Variants in NRXN2 observed in about 807,000 individuals in gnomAD.
The protein encoded by NRXN2 is neurexin-2-beta.
NRXN2 carries 29 observed loss-of-function variants against 128.8 expected under a neutral mutation model. The observed-to-expected ratio is 0.23, with a 90% CI of 0.17 to 0.31. The LOEUF is 0.31. Ranked by LOEUF, NRXN2 falls within the 10% of genes least tolerant of loss-of-function variation. NRXN2 has a pLI of 1.00. For missense variants in NRXN2, 1,881 were observed against 2,452.6 expected (o/e 0.77, Z 4.92); for synonymous variants, 1,098 against 1,075.2 (o/e 1.02, Z -0.41).
At chr11:64,666,180 G>A (rs1194720342) in intron 9 of NRXN2, among the ~76,000 whole-genome samples, 1 of 151,788 alleles carries the variant, frequency 6.6e-6, no homozygotes, top group East Asian at 1.9e-4. Context: ...CACAGTGGGT[G>A]CTCAGTAACT....
chr11:64,657,495 C>A lies in NRXN2; in HGVS notation c.2389+2837G>T, dbSNP rs57633992. Among the ~76,000 whole-genome samples, 267 of 150,926 alleles carry A rather than the reference C, an allele frequency of 1.8e-3. 5 individuals are homozygous for A. In the East Asian group the frequency reaches 0.05, roughly 28 times the overall value. Reference sequence around the variant, plus strand: ...GGGTGGGTCTCTACTATGGGTCTTGCATCTACACAATGGTTTCAATGGTTT... The same window carrying A: ...GGGTGGGTCTCTACTATGGGTCTTGAATCTACACAATGGTTTCAATGGTTT... On this transcript the variant is annotated intron_variant, in intron 11 of 22. Coordinates refer to ENST00000265459, the MANE Select transcript of NRXN2 (RefSeq NM_015080.4).
At chr11:64,619,908 G>C (rs1451510440) in intron 22 of NRXN2, among the ~76,000 whole-genome samples, 3 of 152,118 alleles carry the variant, frequency 2.0e-5, no homozygotes, top group African/African-American at 7.2e-5. Context: ...GGGGCAGGTG[G>C]GAGTTGTGGT....
At chr11:64,692,286 A>G (rs1330755990) in intron 4 of NRXN2, among the ~76,000 whole-genome samples, 1 of 152,120 alleles carries the variant, frequency 6.6e-6, no homozygotes, top group Non-Finnish European at 1.5e-5. Flanking sequence ...GGGAGCGCAC[A>G]CTGTGGAAAC....
At chr11:64,709,010 G>A (rs1344831116) in intron 2 of NRXN2, among the ~76,000 whole-genome samples, 1 of 152,016 alleles carries the variant, frequency 6.6e-6, no homozygotes, top group Non-Finnish European at 1.5e-5. Context: ...TGACCAACAT[G>A]GTGAAAACCC....
intron 2 of NRXN2, among the ~76,000 whole-genome samples, chr11:64,710,842 T>G (rs553919561): frequency 6.6e-6 from 1 of 152,194 alleles, no homozygotes; most frequent in Non-Finnish European, 1.5e-5. Flanking sequence ...AACAGACCCA[T>G]TCACACGTCA....
Position 64,607,933 on chromosome 11 carries a change from C to T in NRXN2, c.4402G>A (p.Ala1468Thr), listed in dbSNP as rs1252317509. The T allele has an allele frequency of 3.8e-6, 5 of 1,332,938 alleles. No homozygotes were observed. Among genetic ancestry groups the T allele is most frequent in the Non-Finnish European group, 3.9e-6 (4 of 1,015,976 alleles). 82.6% of individuals were successfully genotyped at this position (1,332,938 alleles called of 1,614,324 possible). A position where few individuals can be genotyped will look rare whatever the true frequency, so the allele number is the denominator to read the frequency against. Residue 1468 changes from alanine (A) to threonine (T), a missense_variant, in exon 23 of 23, where the codon GCG (alanine) becomes ACG (threonine). By Grantham distance (58) the Ala-to-Thr change is moderately conservative (BLOSUM62 0). Coordinates refer to ENST00000265459, the MANE Select transcript of NRXN2 (RefSeq NM_015080.4). Reference sequence around the variant, plus strand: ...GGGCCCCCAGAGGGCGGGCGGCGCGCGGCGGGCGGGGGCAGCGTGTCTTGG... The same window carrying T: ...GGGCCCCCAGAGGGCGGGCGGCGCGTGGCGGGCGGGGGCAGCGTGTCTTGG... ...ATQDTLPPPA[A>T]RRPPSGGPCQ...
In NRXN2 at chr11:64,632,809, G is replaced by C. The variant is rs2044115689; in HGVS notation, c.3586-2236C>G. Reference sequence around the variant, plus strand: ...ATTAGGCGGCGGTGGGGAGAACGAAGCCGCTCCTACAGCAAATAATTATGG... The same window carrying C: ...ATTAGGCGGCGGTGGGGAGAACGAACCCGCTCCTACAGCAAATAATTATGG... On this transcript the variant is annotated intron_variant, in intron 18 of 22. Transcript: ENST00000265459. The surrounding 1 kb of genome is among the most constrained non-coding windows in gnomAD (Gnocchi z 4.2). Among the ~76,000 whole-genome samples, 1 of 152,242 alleles carries C rather than the reference G, an allele frequency of 6.6e-6. No individual in the cohort carries two copies. The highest frequency in any genetic ancestry group is 1.5e-5 in the Non-Finnish European group (1 of 68,042).
At chr11:64,701,106 A>G (rs553531876) in intron 2 of NRXN2, among the ~76,000 whole-genome samples, 38 of 152,316 alleles carry the variant, frequency 2.5e-4, no homozygotes, top group Non-Finnish European at 4.6e-4. Flanking sequence ...TTGGAACATT[A>G]ATAAGCCTAG....
Position 64,607,457 on chromosome 11 carries a change from C to T in NRXN2, c.4878G>A (p.Val1626=), listed in dbSNP as rs773583897. ...GPGERGPPGA[V]EVIRESSSTT... ...TGCTGCTGGACTCCCGGATCACCTC[C>T]ACTGCGCCCGGCGGGCCCCGCTCCC... Residue 1626 remains valine (V), a synonymous_variant, in exon 23 of 23, where the codon GTG becomes GTA. Coordinates refer to ENST00000265459, the MANE Select transcript of NRXN2 (RefSeq NM_015080.4). 1 of 1,611,062 alleles carries T rather than the reference C, an allele frequency of 6.2e-7. No individual in the cohort carries two copies. Among genetic ancestry groups the T allele is most frequent in the South Asian group, 1.1e-5 (1 of 91,044 alleles).
chr11:64,629,000 G>A (rs538771818), intron 19 of NRXN2, among the ~76,000 whole-genome samples: 97 of 151,692 alleles, frequency 6.4e-4, no homozygotes, highest in Non-Finnish European at 1.1e-3. Flanking sequence ...AGGGGGCCAC[G>A]CAGGCCTCTT....
intron 17 of NRXN2, chr11:64,642,671 G>A: frequency 6.4e-7 from 1 of 1,555,842 alleles, no homozygotes; most frequent in Non-Finnish European, 8.7e-7. Context: ...GCCGCCCCCA[G>A]CAGCAACAGC....
At chr11:64,662,086 C>T (rs2049104176) in intron 9 of NRXN2, among the ~76,000 whole-genome samples, 1 of 117,992 alleles carries the variant, frequency 8.5e-6, no homozygotes, top group African/African-American at 2.7e-5. Context: ...AACTCCATCT[C>T]TACTAAAAAA....
chr11:64,669,108 TG>T (rs1402125715), intron 7 of NRXN2, among the ~76,000 whole-genome samples: 12 of 152,234 alleles, frequency 7.9e-5, no homozygotes, highest in African/African-American at 2.4e-4. Context: ...CAGCCCTCTC[TG>T]CTGGGTGCTG....
Position 64,607,973 on chromosome 11 carries a change from C to T in NRXN2, c.4362G>A (p.Thr1454=). 8.0e-7 allele frequency: 1 copy of T among 1,253,040 alleles called. No homozygotes were observed. The highest frequency in any genetic ancestry group is 1.0e-6 in the Non-Finnish European group (1 of 968,436). 77.6% of individuals were successfully genotyped at this position (1,253,040 alleles called of 1,614,324 possible). A position where few individuals can be genotyped will look rare whatever the true frequency, so the allele number is the denominator to read the frequency against. The change falls in exon 23 of 23, where the codon ACG becomes ACA. Residue 1454 remains threonine (T), a synonymous_variant. Coordinates refer to ENST00000265459, the MANE Select transcript of NRXN2 (RefSeq NM_015080.4). ...GCGTGTCTTGGGTGGCGCCCACTCC[C>T]GTGAGGAAGGGGTAGAAGGTAGGGG... ...PPPPTFYPFL[T]GVGATQDTLP... is the part of the protein sequence containing the mutation.
chr11:64,696,564 C>CACACACACACACACA (rs1592182227), intron 3 of NRXN2, among the ~76,000 whole-genome samples: 1 of 150,312 alleles, frequency 6.7e-6, no homozygotes, highest in Non-Finnish European at 1.5e-5. Context: ...CACACACACA[C>CACACACACACACACA]CTGCCTGCTG....
Position 64,653,681 on chromosome 11 carries a change from A to T in NRXN2, c.2416+15T>A, listed in dbSNP as rs528340921. 1 of 1,593,248 alleles carries T rather than the reference A, an allele frequency of 6.3e-7. No homozygotes were observed. Among genetic ancestry groups the T allele is most frequent in the South Asian group, 1.1e-5 (1 of 87,184 alleles). The stretch of plus-strand genomic sequence containing the variant: ...TCCCCTTGGGTCTCTGCAGAAGAAG[A>T]GGGAAGCCACTTACTGGGTGCGCAG... On this transcript the variant is annotated intron_variant, in intron 12 of 22. Coordinates refer to ENST00000265459, the MANE Select transcript of NRXN2 (RefSeq NM_015080.4).
At chr11:64,681,963 T>C (rs934743136) in intron 6 of NRXN2, among the ~76,000 whole-genome samples, 6 of 151,768 alleles carry the variant, frequency 4.0e-5, no homozygotes, top group Admixed American at 1.3e-4. Flanking sequence ...GGGAATGCGT[T>C]CCTAAGGAAT....
intron 17 of NRXN2, among the ~76,000 whole-genome samples, chr11:64,639,104 A>C (rs1194703351): frequency 6.6e-6 from 1 of 152,222 alleles, no homozygotes; most frequent in Non-Finnish European, 1.5e-5. Context: ...GAAGCCATGA[A>C]AGAAAACCTT....
chr11:64,615,854 G>A (rs60849932), intron 22 of NRXN2, among the ~76,000 whole-genome samples: 2 of 117,666 alleles, frequency 1.7e-5, no homozygotes, highest in African/African-American at 3.5e-5. Flanking sequence ...GTGTGTGTGT[G>A]TGTGTGTGTG....
Sources: gnomAD v4.1 joint callset for allele counts (sites outside exome capture counted in the v4.1 genomes callset) on GRCh38, gnomAD v4.1.1 for gene constraint, Gnocchi (gnomAD v3.1) non-coding constraint, MANE v1.5 for transcripts, NCBI Gene and HGNC (gene_info 2026-07-23, HGNC 2026-07-21) for gene names.